TMEM17: variants seen among roughly 807,000 people sequenced by gnomAD.
TMEM17 encodes the protein transmembrane protein 17.
Under a neutral mutation model 19.1 loss-of-function variants are expected in TMEM17, and 15 were observed. The ratio of observed to expected loss-of-function variants is 0.78; its 90% CI spans 0.52 to 1.21. TMEM17 has a LOEUF of 1.21. Ranked by LOEUF, TMEM17 falls within the 50% of genes most tolerant of loss-of-function variation. TMEM17 has a pLI of 0.00. For missense variants in TMEM17, 245 were observed against 242.3 expected (o/e 1.01, Z -0.07); for synonymous variants, 103 against 86.9 (o/e 1.19, Z -1.03).
chr2:62,457,044 C>T, the TMEM17 span, among the ~76,000 whole-genome samples: 1 of 152,224 alleles, frequency 6.6e-6, no homozygotes, highest in Non-Finnish European at 1.5e-5. This position sits in a 1 kb window ranked among gnomAD's most constrained non-coding sequence, Gnocchi z 4.2. Flanking sequence ...CCGGGGCGGG[C>T]ACCGCTTCCC....
At chr2:62,465,123 G>A in the TMEM17 span, among the ~76,000 whole-genome samples, 2 of 152,122 alleles carry the variant, frequency 1.3e-5, no homozygotes, top group African/African-American at 4.8e-5. Flanking sequence ...GGCTGTTATG[G>A]GTCTTTGTTT....
the TMEM17 span, among the ~76,000 whole-genome samples, chr2:62,484,465 T>C: frequency 1.3e-5 from 2 of 152,238 alleles, no homozygotes; most frequent in African/African-American, 4.8e-5. Flanking sequence ...CTGCTGAGCA[T>C]TTGAAATGTG....
the TMEM17 span, among the ~76,000 whole-genome samples, chr2:62,453,579 T>C: frequency 6.6e-6 from 1 of 152,206 alleles, no homozygotes; most frequent in Non-Finnish European, 1.5e-5. Context: ...AGGCTGCTAT[T>C]AGAGCCTGAC....
the TMEM17 span, among the ~76,000 whole-genome samples, chr2:62,472,962 A>G: frequency 6.6e-6 from 1 of 152,218 alleles, no homozygotes; most frequent in Non-Finnish European, 1.5e-5. Context: ...CACAGAAAGA[A>G]ACTCAGGAGT....
the TMEM17 span, among the ~76,000 whole-genome samples, chr2:62,480,145 A>G: frequency 6.6e-6 from 1 of 151,308 alleles, no homozygotes; most frequent in Non-Finnish European, 1.5e-5. Context: ...TTTGATTTTT[A>G]TTTCCCTGAT....
the TMEM17 span, among the ~76,000 whole-genome samples, chr2:62,490,613 T>C: frequency 6.6e-6 from 1 of 152,178 alleles, no homozygotes; most frequent in East Asian, 1.9e-4. Context: ...TAATTTCTCA[T>C]ATTTCGAAGC....
the TMEM17 span, among the ~76,000 whole-genome samples, chr2:62,494,557 G>A: frequency 6.6e-6 from 1 of 151,938 alleles, no homozygotes; most frequent in East Asian, 1.9e-4. Flanking sequence ...TGTCTCTAAT[G>A]TACTTTGAAT....
chr2:62,467,865 G>C, the TMEM17 span, among the ~76,000 whole-genome samples: 1 of 150,668 alleles, frequency 6.6e-6, no homozygotes, highest in Admixed American at 6.6e-5. Context: ...GCAGGAGCAT[G>C]TGGGCATGCC....
At chr2:62,465,096 G>T in the TMEM17 span, among the ~76,000 whole-genome samples, 1 of 152,194 alleles carries the variant, frequency 6.6e-6, no homozygotes, top group Admixed American at 6.5e-5. Flanking sequence ...GCAGGGAGGG[G>T]ATTTGTTTTG....
At chr2:62,478,123 G>A in the TMEM17 span, among the ~76,000 whole-genome samples, 2 of 152,208 alleles carry the variant, frequency 1.3e-5, no homozygotes, top group African/African-American at 4.8e-5. Context: ...GACTCTAGTG[G>A]TAGCATTTCA....
At chr2:62,505,915 A>G (rs892466423) in intron 1 of TMEM17, 115 bp downstream of exon 1, 13 of 1,039,600 alleles carry the variant, frequency 1.3e-5, no homozygotes, top group African/African-American at 5.0e-5. Context: ...CGCACTGCGG[A>G]GAACTGGCTG....
the TMEM17 span, among the ~76,000 whole-genome samples, chr2:62,467,776 G>A: frequency 6.6e-6 from 1 of 152,144 alleles, no homozygotes; most frequent in African/African-American, 2.4e-5. Context: ...CCAGAGACAT[G>A]GAGGCCAAGT....
the TMEM17 span, among the ~76,000 whole-genome samples, chr2:62,483,804 T>A: frequency 6.6e-6 from 1 of 152,140 alleles, no homozygotes. Context: ...TTTCACCACG[T>A]TGGCCAGGCT....
the TMEM17 span, among the ~76,000 whole-genome samples, chr2:62,490,377 C>A: frequency 8.5e-5 from 13 of 152,196 alleles, no homozygotes; most frequent in Admixed American, 8.5e-4. Context: ...GATCCTCCCA[C>A]CTAAACCTCC....
intron 1 of TMEM17, 39 bp downstream of exon 1, chr2:62,505,990 CG>C: frequency 6.5e-7 from 1 of 1,550,004 alleles, no homozygotes; most frequent in Non-Finnish European, 8.8e-7. Context: ...GCCAAGCCCT[CG>C]GCAGGCCACA....
At chr2:62,491,435 T>A in the TMEM17 span, 7 of 152,000 alleles carry the variant, frequency 4.6e-5, no homozygotes, top group Admixed American at 4.6e-4. Flanking sequence ...CTGCATGCAC[T>A]CCAGCCCGGG....
chr2:62,464,669 G>A, the TMEM17 span, among the ~76,000 whole-genome samples: 4 of 152,212 alleles, frequency 2.6e-5, no homozygotes, highest in South Asian at 2.1e-4. Context: ...ACGTACAGCC[G>A]GCTGTGTGGG....
rs1162889080 is a variant in TMEM17 at position 62,500,225 on chromosome 2, C to T, written c.*984G>A. The T allele has an allele frequency of 6.6e-6, 1 of 152,184 alleles. No homozygotes were observed. Among genetic ancestry groups the T allele is most frequent in the East Asian group, 1.9e-4 (1 of 5,206 alleles). 9.4% of individuals were successfully genotyped at this position (152,184 alleles called of 1,614,324 possible). ...TGCACAAGACAAGGATGATTTGCTGCTGATACCTTAAATATTTAATAATTT... is the reference window on the plus strand; with the variant it reads ...TGCACAAGACAAGGATGATTTGCTGTTGATACCTTAAATATTTAATAATTT... On this transcript the variant is annotated 3_prime_UTR_variant, in exon 4 of 4. Transcript: ENST00000335390.
the TMEM17 span, among the ~76,000 whole-genome samples, chr2:62,491,834 CAT>C: frequency 4.0e-5 from 6 of 151,440 alleles, 1 homozygote; most frequent in South Asian, 1.3e-3. Context: ...ATCAAATATA[CAT>C]CTCTTTAACT....
Sources: gnomAD v4.1 joint callset for allele counts (sites outside exome capture counted in the v4.1 genomes callset) on GRCh38, gnomAD v4.1.1 for gene constraint, Gnocchi (gnomAD v3.1) non-coding constraint, MANE v1.5 for transcripts, NCBI Gene and HGNC (gene_info 2026-07-23, HGNC 2026-07-21) for gene names.